Variants in OTUD7A observed in about 807,000 individuals in gnomAD.
OTUD7A encodes the protein OTU deubiquitinase 7A.
A neutral mutation model predicts 65.7 loss-of-function variants in OTUD7A; 12 were observed. The ratio of observed to expected loss-of-function variants is 0.18; its 90% confidence interval spans 0.12 to 0.30. The LOEUF is 0.30. Among genes scored for constraint, OTUD7A ranks in the 10% least tolerant of loss-of-function variants. OTUD7A has a pLI of 1.00. For synonymous variants in OTUD7A, 641 were observed against 586.3 expected (o/e 1.09, Z -1.35); for missense variants, 1,148 against 1,304.8 (o/e 0.88, Z 1.85).
In OTUD7A at chr15:31,807,662, T is replaced by C. The variant is rs149453753; in HGVS notation, c.-100+62845A>G. Among the ~76,000 whole-genome samples the C allele has an allele frequency of 3.3e-3, 505 of 152,290 alleles. 3 individuals carry two copies. Among genetic ancestry groups the C allele is most frequent in the African/African-American group, 0.011 (459 of 41,562 alleles). ...ACACTACGGCTATGCTCAGTAACAC[T>C]TGTCTGCCTGAGATGGTTTAAAACC... On this transcript the variant is annotated intron_variant, in intron 1 of 12. Transcript: ENST00000307050.
At chr15:31,708,321 TAA>T in intron 1 of OTUD7A, among the ~76,000 whole-genome samples, 1 of 152,168 alleles carries the variant, frequency 6.6e-6, no homozygotes, top group African/African-American at 2.4e-5. Context: ...TTTAAAAAGT[TAA>T]ATTGCACATG....
chr15:31,521,661 AG>A (rs1181119156), intron 8 of OTUD7A, among the ~76,000 whole-genome samples: 1 of 152,224 alleles, frequency 6.6e-6, no homozygotes, highest in African/African-American at 2.4e-5. Flanking sequence ...ACTGTGTGCT[AG>A]GAAATCACTT....
At chr15:31,679,251 GACTTGCCTT>G (rs1180337968) in intron 1 of OTUD7A, among the ~76,000 whole-genome samples, 3 of 152,190 alleles carry the variant, frequency 2.0e-5, no homozygotes, top group African/African-American at 7.2e-5. Flanking sequence ...AGGCATAAGG[GACTTGCCTT>G]GTCTCAGATG....
At chr15:31,669,691 C>T (rs1347751080) in intron 1 of OTUD7A, among the ~76,000 whole-genome samples, 1 of 152,200 alleles carries the variant, frequency 6.6e-6, no homozygotes, top group African/African-American at 2.4e-5. Flanking sequence ...CAAATTGTTA[C>T]AAAGTTCAGC....
chr15:31,852,347 T>G (rs1468440724), intron 1 of OTUD7A, among the ~76,000 whole-genome samples: 1 of 152,234 alleles, frequency 6.6e-6, no homozygotes, highest in Non-Finnish European at 1.5e-5. Flanking sequence ...CCTTGGAATT[T>G]AGGATTTCTC....
At chr15:31,577,830 A>AC (rs1268832104) in intron 3 of OTUD7A, among the ~76,000 whole-genome samples, 1 of 151,752 alleles carries the variant, frequency 6.6e-6, no homozygotes, top group Non-Finnish European at 1.5e-5. Flanking sequence ...AAAAAAAAAA[A>AC]AAAACAACAC....
rs115071695 is a variant in OTUD7A at position 31,824,887 on chromosome 15, T to C, written c.-100+45620A>G. 5.8e-3 allele frequency among the ~76,000 whole-genome samples: 877 copies of C among 152,344 alleles called. 12 individuals carry two copies. Among genetic ancestry groups the C allele is most frequent in the African/African-American group, 0.02 (845 of 41,568 alleles). ...TCAATAGTTTTATTCAAAACCCTTA[T>C]TCAAAAGAGCTCATAGCAGCTAAGC... On this transcript the variant is annotated intron_variant, in intron 1 of 12. Coordinates refer to ENST00000307050, the MANE Select transcript of OTUD7A (RefSeq NM_001382637.1).
intron 4 of OTUD7A, among the ~76,000 whole-genome samples, chr15:31,560,142 G>A (rs925237191): frequency 6.6e-6 from 1 of 152,194 alleles, no homozygotes; most frequent in Non-Finnish European, 1.5e-5. Flanking sequence ...TCTTTGTCTC[G>A]ATGCATTTAT....
At chr15:31,618,897 T>C (rs888359259) in intron 3 of OTUD7A, among the ~76,000 whole-genome samples, 24 of 152,348 alleles carry the variant, frequency 1.6e-4, no homozygotes, top group Non-Finnish European at 3.2e-4. Context: ...CTAGGGTTTT[T>C]ATGGTTTTAG....
intron 3 of OTUD7A, 145 bp from the exon 4 acceptor site, chr15:31,570,342 A>T: frequency 1.1e-6 from 1 of 934,352 alleles, no homozygotes; most frequent in South Asian, 1.7e-5. Flanking sequence ...CAAAGGGGAA[A>T]AATGGCCCTC....
chr15:31,730,769 G>A (rs1466083759), intron 1 of OTUD7A, among the ~76,000 whole-genome samples: 1 of 152,138 alleles, frequency 6.6e-6, no homozygotes, highest in Non-Finnish European at 1.5e-5. Flanking sequence ...GGGGGCGGTG[G>A]CAGGATTGCT....
chr15:31,628,797 G>A (rs1231270792), intron 3 of OTUD7A, among the ~76,000 whole-genome samples: 1 of 152,194 alleles, frequency 6.6e-6, no homozygotes, highest in Admixed American at 6.5e-5. Flanking sequence ...TCTCCTTGAA[G>A]AGGTCCTTCA....
At position 31,510,949 on chromosome 15, in the gene OTUD7A, CATATATGTATATCTAT is replaced by C. The variant is rs2041694964; in HGVS notation, c.894-7147_894-7132del. Among the ~76,000 whole-genome samples, 2 of 10,172 alleles carry C rather than the reference CATATATGTATATCTAT, an allele frequency of 2.0e-4. 1 individual carries two copies. The highest frequency in any genetic ancestry group is 3.1e-4 in the Non-Finnish European group (2 of 6,460). The allele number at this position is 10,172 out of a possible 152,430, so 6.7% of individuals were successfully genotyped here. A position where few individuals can be genotyped will look rare whatever the true frequency, so the allele number is the denominator to read the frequency against. ...AACATATATGTATATCTATATGTAA[CATATATGTATATCTAT>C]ATGTAACATATGTATATCTATATGT... On this transcript the variant is annotated intron_variant, in intron 8 of 12. Transcript: ENST00000307050.
intron 1 of OTUD7A, among the ~76,000 whole-genome samples, chr15:31,772,943 A>C (rs1050659680): frequency 1.3e-5 from 2 of 152,176 alleles, no homozygotes; most frequent in Non-Finnish European, 2.9e-5. Flanking sequence ...CAATATTAAC[A>C]ATGTTGAAAG....
At chr15:31,729,819 C>T (rs1390939837) in intron 1 of OTUD7A, among the ~76,000 whole-genome samples, 3 of 152,158 alleles carry the variant, frequency 2.0e-5, no homozygotes, top group Non-Finnish European at 4.4e-5. Context: ...ACCTTCCTAT[C>T]CACATCTGCT....
intron 1 of OTUD7A, among the ~76,000 whole-genome samples, chr15:31,857,502 G>A (rs1409617904): frequency 6.6e-6 from 1 of 152,180 alleles, no homozygotes; most frequent in Non-Finnish European, 1.5e-5. Flanking sequence ...CTCGGGAAAG[G>A]AAATCACATA....
chr15:31,530,431 G>T (rs62004100), intron 6 of OTUD7A, among the ~76,000 whole-genome samples: 1 of 152,098 alleles, frequency 6.6e-6, no homozygotes, highest in Non-Finnish European at 1.5e-5. Context: ...TGTACCAGGC[G>T]ACGGTCTCTA....
At chr15:31,812,796 T>C (rs1007544207) in intron 1 of OTUD7A, among the ~76,000 whole-genome samples, 1 of 152,162 alleles carries the variant, frequency 6.6e-6, no homozygotes, top group African/African-American at 2.4e-5. Flanking sequence ...CCATCCACCA[T>C]GTGAGGAGCT....
At chr15:31,673,705 A>C (rs1892535590) in intron 1 of OTUD7A, among the ~76,000 whole-genome samples, 1 of 152,212 alleles carries the variant, frequency 6.6e-6, no homozygotes. Context: ...TTTCCTATCG[A>C]TTCCAATCAT....
Sources: allele counts gnomAD v4.1 joint callset (sites outside exome capture counted in the v4.1 genomes callset), GRCh38; gene constraint gnomAD v4.1.1; transcripts MANE v1.5; gene names NCBI Gene and HGNC (gene_info 2026-07-23, HGNC 2026-07-21).